MAP2K4: variants seen among roughly 807,000 people sequenced by gnomAD.
MAP2K4 encodes mitogen-activated protein kinase kinase 4.
MAP2K4 carries 4 observed loss-of-function variants against 48.5 expected under a neutral mutation model. That is an observed-to-expected ratio of 0.08 (90% CI 0.04 to 0.19). The LOEUF (loss-of-function observed/expected upper bound fraction) is 0.19. Among genes scored for constraint, MAP2K4 ranks in the 10% least tolerant of loss-of-function variants. MAP2K4 has a pLI of 1.00. For missense variants in MAP2K4, 258 were observed against 493.3 expected (o/e 0.52, Z 4.52); for synonymous variants, 166 against 173.1 (o/e 0.96, Z 0.32).
chr17:12,094,247 G>A (rs1271140203), intron 3 of MAP2K4, among the ~76,000 whole-genome samples: 1 of 152,194 alleles, frequency 6.6e-6, no homozygotes, highest in African/African-American at 2.4e-5. Flanking sequence ...TAGGTAGCAA[G>A]CTGTAAATTT....
At chr17:12,104,574 T>G (rs1442250882) in intron 4 of MAP2K4, among the ~76,000 whole-genome samples, 1 of 152,112 alleles carries the variant, frequency 6.6e-6, no homozygotes, top group African/African-American at 2.4e-5. Context: ...TAAAAAAAAA[T>G]TGCCTTTGAT....
chr17:12,022,527 T>A (rs1189687334), intron 1 of MAP2K4, among the ~76,000 whole-genome samples: 2 of 152,188 alleles, frequency 1.3e-5, no homozygotes, highest in Non-Finnish European at 2.9e-5. Flanking sequence ...GATGGGTGAC[T>A]TACAAAGCTT....
rs564421719 is a variant in MAP2K4, at chr17:12,107,704, G to A, written c.514-86G>A. ...ATTTGAAATAAGCAAGAATAAGATT[G>A]CTCCTTTCTATTGTATTTCCATTTT... On this transcript the variant is annotated intron_variant, in intron 4 of 10. Transcript: ENST00000353533. 151 of 1,128,510 alleles carry A rather than the reference G, an allele frequency of 1.3e-4. 2 individuals carry two copies. The South Asian group carries it at 2.2e-3, about 16-fold the overall frequency. The allele number at this position is 1,128,510 out of a possible 1,614,324, so 69.9% of individuals were successfully genotyped here.
rs939489824 is a variant in MAP2K4, at chr17:12,107,846, A to G, written c.570A>G (p.Lys190=). Residue 190 remains lysine, a synonymous_variant, in exon 5 of 11, where the codon AAA becomes AAG. Transcript: ENST00000353533. Reference sequence around the variant, plus strand: ...CTACCTCGTTTGATAAGTTTTACAAATATGTATATAGTGTATTAGATGATG... The same window carrying G: ...CTACCTCGTTTGATAAGTTTTACAAGTATGTATATAGTGTATTAGATGATG... ...LMSTSFDKFY[K]YVYSVLDDVI... 1 of 1,606,038 alleles carries G rather than the reference A, an allele frequency of 6.2e-7. No homozygotes were observed. Among genetic ancestry groups the G allele is most frequent in the Non-Finnish European group, 8.5e-7 (1 of 1,176,316 alleles).
chr17:12,021,512 G>C (rs1432459628), intron 1 of MAP2K4: 1 of 151,680 alleles, frequency 6.6e-6, no homozygotes, highest in Non-Finnish European at 1.5e-5. Flanking sequence ...GGCTGTCGCC[G>C]GGCACAGCTG....
chr17:12,059,656 C>G (rs1876581480), intron 2 of MAP2K4, among the ~76,000 whole-genome samples: 1 of 152,160 alleles, frequency 6.6e-6, no homozygotes, highest in African/African-American at 2.4e-5. Context: ...CAGAGGATCT[C>G]TAGGATTTCC....
chr17:12,025,716 T>C (rs557202914), intron 1 of MAP2K4, among the ~76,000 whole-genome samples: 1 of 152,304 alleles, frequency 6.6e-6, no homozygotes, highest in Admixed American at 6.5e-5. Context: ...GATTCTGCTT[T>C]AGAAAACACG....
At chr17:12,110,621 CT>C in intron 6 of MAP2K4, 195 bp downstream of exon 6, 1 of 533,108 alleles carries the variant, frequency 1.9e-6, no homozygotes, top group Non-Finnish European at 3.3e-6. Flanking sequence ...TTCAGTCTAT[CT>C]TAGTATGTTG....
chr17:12,044,748 A>G (rs938008985), intron 1 of MAP2K4, among the ~76,000 whole-genome samples: 14 of 152,330 alleles, frequency 9.2e-5, no homozygotes, highest in Admixed American at 8.5e-4. Context: ...GCTCAGTCCC[A>G]CAAGGCTGCC....
intron 1 of MAP2K4, among the ~76,000 whole-genome samples, chr17:12,029,568 A>T (rs779273250): frequency 4.6e-5 from 7 of 152,170 alleles, no homozygotes; most frequent in South Asian, 2.1e-4. Context: ...TCAACGGATT[A>T]TCTAGTACCT....
chr17:12,058,168 T>A (rs1466829033), intron 2 of MAP2K4, among the ~76,000 whole-genome samples: 1 of 151,970 alleles, frequency 6.6e-6, no homozygotes, highest in Non-Finnish European at 1.5e-5. Flanking sequence ...TTTGAAGACA[T>A]GCCCCCTTTT....
intron 2 of MAP2K4, among the ~76,000 whole-genome samples, chr17:12,071,393 A>G (rs1970803455): frequency 6.6e-6 from 1 of 152,168 alleles, no homozygotes; most frequent in South Asian, 2.1e-4. Flanking sequence ...TTCAAAGGCA[A>G]GGTGATAGAG....
At chr17:12,113,157 A>G (rs1972363875) in intron 6 of MAP2K4, 76 bp from the exon 7 acceptor site, 7 of 1,423,966 alleles carry the variant, frequency 4.9e-6, no homozygotes, top group Middle Eastern at 2.4e-4. Flanking sequence ...GTTTTTCAAT[A>G]TTTTTGCTTA....
At chr17:12,077,251 GC>G (rs1188265348) in intron 2 of MAP2K4, among the ~76,000 whole-genome samples, 1 of 152,158 alleles carries the variant, frequency 6.6e-6, no homozygotes, top group East Asian at 1.9e-4. Context: ...AGCATCATTG[GC>G]CCCCAGCCAC....
At position 12,105,706 on chromosome 17, in the gene MAP2K4, TTGTA is replaced by T. The variant is rs1972088053; in HGVS notation, c.514-2081_514-2078del. The stretch of plus-strand genomic sequence containing the variant: ...ATGCAGCTCATTGCCATTGTGTTGT[TTGTA>T]TGACCAAAAGGAACTGTCAGAGAGA... On this transcript the variant is annotated intron_variant, in intron 4 of 10. Transcript: ENST00000353533. Among the ~76,000 whole-genome samples, 3 of 152,258 alleles carry T rather than the reference TTGTA, an allele frequency of 2.0e-5. No homozygotes were observed. In the South Asian group the frequency reaches 6.2e-4, roughly 32 times the overall value.
At chr17:12,123,111 T>C (rs1023824370) in intron 7 of MAP2K4, among the ~76,000 whole-genome samples, 1 of 152,154 alleles carries the variant, frequency 6.6e-6, no homozygotes, top group Non-Finnish European at 1.5e-5. Context: ...TCAAAAATCG[T>C]TATGCTGGCC....
chr17:12,106,481 G>A (rs1972116287), intron 4 of MAP2K4, among the ~76,000 whole-genome samples: 1 of 152,140 alleles, frequency 6.6e-6, no homozygotes, highest in African/African-American at 2.4e-5. Flanking sequence ...GTTGATAGAA[G>A]AAACACATTA....
At chr17:12,087,551 C>G (rs1319904102) in intron 3 of MAP2K4, among the ~76,000 whole-genome samples, 1 of 151,950 alleles carries the variant, frequency 6.6e-6, no homozygotes, top group Non-Finnish European at 1.5e-5. Flanking sequence ...TAATACGTAG[C>G]AGAAGGTAAG....
intron 2 of MAP2K4, among the ~76,000 whole-genome samples, chr17:12,077,839 C>T (rs1371965795): frequency 6.6e-6 from 1 of 152,126 alleles, no homozygotes; most frequent in Non-Finnish European, 1.5e-5. Context: ...AAGGTGCTGG[C>T]AAGGTAGGTT....
Sources: gnomAD v4.1 joint callset for allele counts (sites outside exome capture counted in the v4.1 genomes callset) on GRCh38, gnomAD v4.1.1 for gene constraint, MANE v1.5 for transcripts, NCBI Gene and HGNC (gene_info 2026-07-23, HGNC 2026-07-21) for gene names.